The following PRKCG variants were observed in gnomAD, a reference collection of about 807,000 sequenced individuals.
PRKCG encodes protein kinase C gamma.
PRKCG carries 28 observed loss-of-function variants against 82.0 expected under a neutral mutation model. The ratio of observed to expected loss-of-function variants is 0.34; its 90% confidence interval spans 0.25 to 0.47. The LOEUF is 0.47. PRKCG is among the 20% of genes least tolerant of loss of function. PRKCG has a pLI of 1.00. For missense variants in PRKCG, 640 were observed against 952.7 expected (o/e 0.67, Z 4.32); for synonymous variants, 383 against 376.6 (o/e 1.02, Z -0.20).
intron 14 of PRKCG, among the ~76,000 whole-genome samples, chr19:53,901,551 C>CAA (rs57268943): frequency 0.054 from 2,454 of 45,710 alleles, 144 homozygotes; most frequent in African/African-American, 0.13. Flanking sequence ...AACTTCATCT[C>CAA]AAAAAAAAAA....
At chr19:53,904,187 G>A (rs977971445) in intron 15 of PRKCG, among the ~76,000 whole-genome samples, 8 of 151,998 alleles carry the variant, frequency 5.3e-5, no homozygotes, top group Admixed American at 5.2e-4. Flanking sequence ...CTTGAGGTCA[G>A]GAGTTTGAGA....
intron 9 of PRKCG, among the ~76,000 whole-genome samples, chr19:53,895,632 C>G (rs1382391352): frequency 1.3e-5 from 2 of 152,148 alleles, no homozygotes; most frequent in African/African-American, 2.4e-5. Flanking sequence ...ATCAGAATTC[C>G]TAGAGTGCTT....
At position 53,900,594 on chromosome 19, in the gene PRKCG, A is replaced by T; in HGVS notation, c.1437-17A>T. 6.2e-7 allele frequency: 1 copy of T among 1,614,010 alleles called. No individual in the cohort carries two copies. Among genetic ancestry groups the T allele is most frequent in the Non-Finnish European group, 8.5e-7 (1 of 1,180,016 alleles). ...ACACTTCTTGCAATTCCTGCCCCACACCCCTGCATCGTCCAGGGACCTGAA... is the reference window on the plus strand; with the variant it reads ...ACACTTCTTGCAATTCCTGCCCCACTCCCCTGCATCGTCCAGGGACCTGAA... On this transcript the variant is annotated splice_polypyrimidine_tract_variant and intron_variant, in intron 13 of 17. Coordinates refer to ENST00000263431, the MANE Select transcript of PRKCG (RefSeq NM_002739.5). This position sits in a 1 kb window ranked among gnomAD's most constrained non-coding sequence, Gnocchi z 4.2.
At chr19:53,881,976 G>A, upstream of PRKCG, 1 of 225,264 alleles carries the variant, frequency 4.4e-6, no homozygotes, top group Non-Finnish European at 9.0e-6. Context: ...CACCCTAGTG[G>A]GGGAGGAACG....
Position 53,882,474 on chromosome 19 carries a change from C to T in PRKCG, c.-21C>T, listed in dbSNP as rs766274804. On this transcript the variant is annotated 5_prime_UTR_variant, in exon 1 of 18. Coordinates refer to ENST00000263431, the MANE Select transcript of PRKCG (RefSeq NM_002739.5). The surrounding 1 kb of genome is among the most constrained non-coding windows in gnomAD (Gnocchi z 6.1). ...CCCCCAAGAAAGGCAGGATCCTGGTCCCTGCTACGTTTCTGGGGCCATGGC... is the reference window on the plus strand; with the variant it reads ...CCCCCAAGAAAGGCAGGATCCTGGTTCCTGCTACGTTTCTGGGGCCATGGC... 13 of 1,609,634 alleles carry T rather than the reference C, an allele frequency of 8.1e-6. No individual in the cohort carries two copies. The highest frequency in any genetic ancestry group is 2.2e-5 in the East Asian group (1 of 44,798).
chr19:53,886,550 C>T (rs944948830), intron 3 of PRKCG, among the ~76,000 whole-genome samples: 1 of 151,740 alleles, frequency 6.6e-6, no homozygotes, highest in Non-Finnish European at 1.5e-5. Flanking sequence ...ACTATAGGCA[C>T]AAGCCACAAC....
Position 53,907,383 on chromosome 19 carries a change from C to G in PRKCG, c.*488C>G, listed in dbSNP as rs181418157. On this transcript the variant is annotated 3_prime_UTR_variant, in exon 18 of 18. Coordinates refer to ENST00000263431, the MANE Select transcript of PRKCG (RefSeq NM_002739.5). ...CGTGCCCCCCTCCTCCAGTACGTCC[C>G]GCTGCTGTGCTCTGGGGATTTCTGG... 5.0e-6 allele frequency: 1 copy of G among 201,872 alleles called. No individual in the cohort carries two copies. Among genetic ancestry groups the G allele is most frequent in the African/African-American group, 2.3e-5 (1 of 42,940 alleles). The allele number at this position is 201,872 out of a possible 1,614,324, so 12.5% of individuals were successfully genotyped here. A position where few individuals can be genotyped will look rare whatever the true frequency, so the allele number is the denominator to read the frequency against.
chr19:53,897,191 A>T (rs918039179), intron 9 of PRKCG, among the ~76,000 whole-genome samples: 1 of 152,178 alleles, frequency 6.6e-6, no homozygotes, highest in Non-Finnish European at 1.5e-5. Flanking sequence ...GGGAGCAGTT[A>T]AAGGGTTTAC....
chr19:53,887,214 C>G (rs1005765510), intron 3 of PRKCG, among the ~76,000 whole-genome samples: 1 of 151,976 alleles, frequency 6.6e-6, no homozygotes, highest in Non-Finnish European at 1.5e-5. Context: ...AAGTAACATG[C>G]AGGCCAGGCA....
Position 53,893,403 on chromosome 19 carries a change from C to T in PRKCG, c.939+12C>T, listed in dbSNP as rs1448607783. 6.2e-7 allele frequency: 1 copy of T among 1,612,590 alleles called. No homozygotes were observed. Among genetic ancestry groups the T allele is most frequent in the Admixed American group, 1.7e-5 (1 of 60,014 alleles). On this transcript the variant is annotated intron_variant, in intron 9 of 17. Transcript: ENST00000263431. ...TGGAATTGTATGAGGTGAGTAGAAC[C>T]AGGGCGTTGAATGGAGGCAGTTTTT...
rs1294651269 is a variant in PRKCG at position 53,884,740 on chromosome 19, C to T, written c.285+497C>T. On this transcript the variant is annotated intron_variant, in intron 3 of 17. Coordinates refer to ENST00000263431, the MANE Select transcript of PRKCG (RefSeq NM_002739.5). The surrounding 1 kb of genome is among the most constrained non-coding windows in gnomAD (Gnocchi z 4.6). The stretch of plus-strand genomic sequence containing the variant: ...GAATTTGGAGGCACCAAAAGATGGA[C>T]AGAGAAACTCCAAGAGACGGAGACA... Among the ~76,000 whole-genome samples, 1 of 152,052 alleles carries T rather than the reference C, an allele frequency of 6.6e-6. No homozygotes were observed. The highest frequency in any genetic ancestry group is 2.4e-5 in the African/African-American group (1 of 41,378).
rs201089150 is a variant in PRKCG, at chr19:53,892,772, A to ACACACACACG, written c.821+147_821+156dup. ...CATGCGCACACACACACACACACAC[A>ACACACACACG]CACACACACGCACACACACGCACAC... On this transcript the variant is annotated intron_variant, in intron 7 of 17. Coordinates refer to ENST00000263431, the MANE Select transcript of PRKCG (RefSeq NM_002739.5). The surrounding 1 kb of genome is among the most constrained non-coding windows in gnomAD (Gnocchi z 5.9). 1.8e-6 allele frequency: 2 copies of ACACACACACG among 1,087,466 alleles called. No individual in the cohort carries two copies. The highest frequency in any genetic ancestry group is 1.6e-5 in the African/African-American group (1 of 60,866). The allele number at this position is 1,087,466 out of a possible 1,614,324, so 67.4% of individuals were successfully genotyped here.
Position 53,882,442 on chromosome 19 carries a change from C to A in PRKCG, c.-53C>A. The stretch of plus-strand genomic sequence containing the variant: ...GAGTCTCCAGCTCCTCTCCCTTCCA[C>A]CTGTTTCCCCCAAGAAAGGCAGGAT... On this transcript the variant is annotated 5_prime_UTR_variant, in exon 1 of 18. Coordinates refer to ENST00000263431, the MANE Select transcript of PRKCG (RefSeq NM_002739.5). This position sits in a 1 kb window ranked among gnomAD's most constrained non-coding sequence, Gnocchi z 6.1. 1 of 1,587,822 alleles carries A rather than the reference C, an allele frequency of 6.3e-7. No homozygotes were observed. Among genetic ancestry groups the A allele is most frequent in the Non-Finnish European group, 8.6e-7 (1 of 1,167,324 alleles).
Position 53,889,858 on chromosome 19 carries a change from A to T in PRKCG, c.398-28A>T. On this transcript the variant is annotated intron_variant, in intron 4 of 17. Transcript: ENST00000263431. This position sits in a 1 kb window ranked among gnomAD's most constrained non-coding sequence, Gnocchi z 4.4. The stretch of plus-strand genomic sequence containing the variant: ...AGTCTTGGCTTGGGGGCGGGGCCTG[A>T]GGTGCTACCCGCAGCTTTCCCCTCC... The T allele has an allele frequency of 6.4e-7, 1 of 1,570,372 alleles. No homozygotes were observed. Among genetic ancestry groups the T allele is most frequent in the Admixed American group, 1.8e-5 (1 of 54,224 alleles).
chr19:53,902,910 A>AC lies in PRKCG; in HGVS notation c.1576-163_1576-162insC, dbSNP rs1460221549. Among the ~76,000 whole-genome samples, 16 of 151,504 alleles carry AC rather than the reference A, an allele frequency of 1.1e-4. 1 individual carries two copies. Among genetic ancestry groups the AC allele is most frequent in the African/African-American group, 3.4e-4 (14 of 41,302 alleles). ...CCTGTCAAAAAAAAAAAAAAAAAAA[A>AC]AAAAAACGAAACAAAAAATCACCTG... is the stretch of plus-strand genomic sequence containing the variant. On this transcript the variant is annotated intron_variant, in intron 14 of 17. Transcript: ENST00000263431.
intron 8 of PRKCG, 46 bp downstream of exon 8, chr19:53,893,121 A>G: frequency 6.4e-7 from 1 of 1,563,302 alleles, no homozygotes; most frequent in Non-Finnish European, 8.8e-7. Context: ...CCAGCCTCCC[A>G]CGGTTCAGAG....
intron 11 of PRKCG, 86 bp downstream of exon 11, chr19:53,898,714 G>A: frequency 1.5e-6 from 2 of 1,320,412 alleles, no homozygotes; most frequent in South Asian, 1.2e-5. Flanking sequence ...AGTTTAGGGC[G>A]AGGCAAGAGA....
At chr19:53,888,271 C>T (rs951061498) in intron 3 of PRKCG, among the ~76,000 whole-genome samples, 3 of 152,152 alleles carry the variant, frequency 2.0e-5, no homozygotes, top group Non-Finnish European at 4.4e-5. Context: ...CTAGAAACCC[C>T]ACTAACATAG....
chr19:53,893,496 AC>A (rs1332458520), intron 9 of PRKCG, 105 bp downstream of exon 9: 2 of 1,270,480 alleles, frequency 1.6e-6, no homozygotes, highest in Non-Finnish European at 2.3e-6. Context: ...TGAGTTGAGC[AC>A]ACATTTGTGC....
Sources: gnomAD v4.1 joint callset for allele counts (sites outside exome capture counted in the v4.1 genomes callset) on GRCh38, gnomAD v4.1.1 for gene constraint, Gnocchi (gnomAD v3.1) non-coding constraint, MANE v1.5 for transcripts, NCBI Gene and HGNC (gene_info 2026-07-23, HGNC 2026-07-21) for gene names.